The following DPH6 variants were observed in gnomAD, a reference collection of about 807,000 sequenced individuals.
DPH6 encodes diphthamine biosynthesis 6, also known as diphthine--ammonia ligase.
Under a neutral mutation model 38.2 loss-of-function variants are expected in DPH6, and 33 were observed. That is an observed-to-expected ratio of 0.86 (90% confidence interval 0.65 to 1.15). DPH6 has a LOEUF of 1.15. DPH6 is among the 50% of genes most tolerant of loss of function. The probability of loss-of-function intolerance (pLI) is 0.00; values close to 1 mark genes in which losing one functional copy is unlikely to be tolerated. For missense variants in DPH6, 325 were observed against 320.0 expected, an observed-to-expected ratio of 1.02 and a Z score of -0.12; for synonymous variants, 108 against 103.0, an observed-to-expected ratio of 1.05 and a Z score of -0.30.
chr15:35,363,286 C>T (rs2052629013), intron 3 of DPH6, among the ~76,000 whole-genome samples: 1 of 152,072 alleles, frequency 6.6e-6, no homozygotes, highest in African/African-American at 2.4e-5. Context: ...CCCCTACTGT[C>T]AATTTCTGTT....
rs146115907 is a variant in DPH6, at chr15:35,239,378, C to T, written n.201-18796G>A. ...CGTTTTATCTGTGGACCCCAAACTC[C>T]GGCGCCGGTCACGGACTGGGAAGGC... On this transcript the variant is annotated intron_variant and non_coding_transcript_variant, in intron 3 of 3. Transcript: ENST00000560386. 3.4e-4 allele frequency among the ~76,000 whole-genome samples: 49 copies of T among 143,880 alleles called. 7 individuals carry two copies. The highest frequency in any genetic ancestry group is 9.8e-4 in the African/African-American group (39 of 39,770). 94.4% of individuals were successfully genotyped at this position (143,880 alleles called of 152,430 possible).
chr15:35,446,387 T>C (rs1159813048), intron 5 of DPH6, among the ~76,000 whole-genome samples: 1 of 151,350 alleles, frequency 6.6e-6, no homozygotes, highest in Non-Finnish European at 1.5e-5. Context: ...CACACCACCA[T>C]GCCCAGCTAA....
intron 3 of DPH6, among the ~76,000 whole-genome samples, chr15:35,463,853 T>C (rs1478891581): frequency 6.6e-6 from 1 of 152,214 alleles, no homozygotes; most frequent in African/African-American, 2.4e-5. Context: ...CAATCATTCA[T>C]ATATTTATCA....
At chr15:35,383,594 T>C (rs1004527187) in intron 6 of DPH6, among the ~76,000 whole-genome samples, 2 of 152,238 alleles carry the variant, frequency 1.3e-5, no homozygotes, top group African/African-American at 4.8e-5. Context: ...ATAGGCACAA[T>C]GTCTTCTCCC....
chr15:35,496,567 A>AAATATATATATATATATATATATATAT, intron 3 of DPH6, among the ~76,000 whole-genome samples: 8 of 31,014 alleles, frequency 2.6e-4, no homozygotes, highest in Admixed American at 4.7e-4. Context: ...AAAAAAAAAA[A>AAATATATATATATATATATATATATAT]ATATATATAT....
the DPH6 span, among the ~76,000 whole-genome samples, chr15:35,159,998 A>T: frequency 6.6e-6 from 1 of 152,106 alleles, no homozygotes; most frequent in East Asian, 1.9e-4. Context: ...CTAAACATTG[A>T]GTATACACGG....
chr15:35,408,769 T>C (rs2053327744), intron 6 of DPH6, among the ~76,000 whole-genome samples: 1 of 151,976 alleles, frequency 6.6e-6, no homozygotes, highest in Non-Finnish European at 1.5e-5. Flanking sequence ...ATGGGTATCG[T>C]GAGTGATTTT....
intron 3 of DPH6, among the ~76,000 whole-genome samples, chr15:35,316,236 T>A (rs2052187424): frequency 6.6e-6 from 1 of 152,202 alleles, no homozygotes; most frequent in Admixed American, 6.5e-5. Context: ...GTGATAGATA[T>A]TCCAAGTATA....
intron 5 of DPH6, among the ~76,000 whole-genome samples, chr15:35,420,533 T>G (rs1446660235): frequency 1.3e-5 from 2 of 152,182 alleles, no homozygotes; most frequent in South Asian, 2.1e-4. Context: ...ATTATTTTAT[T>G]TTTTAGACAG....
intron 3 of DPH6, among the ~76,000 whole-genome samples, chr15:35,503,902 C>G (rs193023019): frequency 1.1e-3 from 166 of 152,160 alleles, no homozygotes; most frequent in African/African-American, 3.9e-3. Flanking sequence ...TGCCAGAAAG[C>G]AAGTTATTTT....
chr15:35,218,676 C>T (rs1171939166), exon 4 of DPH6: 14 of 152,040 alleles, frequency 9.2e-5, no homozygotes, highest in Non-Finnish European at 1.5e-5. Flanking sequence ...TCTTATTTAG[C>T]TAACATGGTG....
At chr15:35,401,694 GC>G in intron 6 of DPH6, 1 of 738,194 alleles carries the variant, frequency 1.4e-6, no homozygotes, top group East Asian at 2.5e-5. Flanking sequence ...CCAATACTTT[GC>G]CAAACCACGA....
chr15:35,173,740 C>T, the DPH6 span, among the ~76,000 whole-genome samples: 1 of 152,098 alleles, frequency 6.6e-6, no homozygotes, highest in African/African-American at 2.4e-5. Flanking sequence ...TCAGCTCTCT[C>T]TTCTCTCTAA....
intron 5 of DPH6, among the ~76,000 whole-genome samples, chr15:35,437,365 A>T (rs1161486496): frequency 6.6e-6 from 1 of 152,144 alleles, no homozygotes; most frequent in Non-Finnish European, 1.5e-5. Context: ...GGGTCCCCCT[A>T]CAGGACAGTC....
At chr15:35,168,833 GCT>G in the DPH6 span, among the ~76,000 whole-genome samples, 1 of 151,996 alleles carries the variant, frequency 6.6e-6, no homozygotes, top group Non-Finnish European at 1.5e-5. Flanking sequence ...ATTCTGTCAG[GCT>G]CTGTTTCATT....
chr15:35,319,373 A>G (rs544917539), intron 3 of DPH6, among the ~76,000 whole-genome samples: 6 of 152,330 alleles, frequency 3.9e-5, no homozygotes, highest in Admixed American at 6.5e-5. Context: ...AAGGTGATCA[A>G]TTGAACTTAA....
intron 3 of DPH6, among the ~76,000 whole-genome samples, chr15:35,265,229 T>A (rs2051775836): frequency 6.6e-6 from 1 of 152,064 alleles, no homozygotes; most frequent in Non-Finnish European, 1.5e-5. Flanking sequence ...AATCTTAAAA[T>A]GCTTTGAAAG....
intron 4 of DPH6, among the ~76,000 whole-genome samples, chr15:35,453,629 C>T (rs1281293733): frequency 1.3e-5 from 2 of 152,216 alleles, no homozygotes; most frequent in South Asian, 2.1e-4. Flanking sequence ...CCCACTCCAT[C>T]ATCATCATCC....
At chr15:35,525,730 T>C (rs531379227) in intron 3 of DPH6, among the ~76,000 whole-genome samples, 22 of 152,156 alleles carry the variant, frequency 1.4e-4, no homozygotes, top group African/African-American at 4.6e-4. Context: ...GTCCCAGATA[T>C]GCAGGACGCT....
Sources: gnomAD v4.1 joint callset for allele counts (sites outside exome capture counted in the v4.1 genomes callset) on GRCh38, gnomAD v4.1.1 for gene constraint, MANE v1.5 for transcripts, NCBI Gene and HGNC (gene_info 2026-07-23, HGNC 2026-07-21) for gene names.